The following NID2 variants were observed in gnomAD, a reference collection of about 807,000 sequenced individuals.
The protein encoded by NID2 is nidogen-2.
NID2 carries 83 observed loss-of-function variants against 145.4 expected under a neutral mutation model. The observed-to-expected ratio is 0.57, with a 90% confidence interval of 0.48 to 0.69. NID2 has a LOEUF of 0.69. Ranked by LOEUF, NID2 falls within the 30% of genes least tolerant of loss-of-function variation. NID2 has a pLI of 0.00. For missense variants in NID2, 1,807 were observed against 1,765.7 expected (o/e 1.02, Z -0.42); for synonymous variants, 739 against 701.3 (o/e 1.05, Z -0.85).
At chr14:52,039,758 C>T (rs1892208499) in intron 8 of NID2, among the ~76,000 whole-genome samples, 1 of 152,206 alleles carries the variant, frequency 6.6e-6, no homozygotes, top group Non-Finnish European at 1.5e-5. Context: ...TCACGCTTCG[C>T]ACACATTGAT....
chr14:52,005,426 C>G lies in NID2; in HGVS notation c.*60G>C. 2.0e-6 allele frequency: 3 copies of G among 1,474,150 alleles called. No individual in the cohort carries two copies. The highest frequency in any genetic ancestry group is 2.7e-6 in the Non-Finnish European group (3 of 1,103,998). 91.3% of individuals were successfully genotyped at this position (1,474,150 alleles called of 1,614,324 possible). ...TTTACTTTCTTTGCCTTTGCAGTCA[C>G]TGTTCTTTAGGGTCCAGGTTCTGAT... is the stretch of plus-strand genomic sequence containing the variant. On this transcript the variant is annotated 3_prime_UTR_variant, in exon 22 of 22. Transcript: ENST00000216286.
intron 3 of NID2, among the ~76,000 whole-genome samples, chr14:52,059,590 A>G (rs115620191): frequency 0.01 from 1,595 of 152,376 alleles, 26 homozygotes; most frequent in African/African-American, 0.037. Context: ...TTAAATGCCC[A>G]TTATGGGCAG....
chr14:52,042,747 T>G (rs1214204001), intron 6 of NID2, 35 bp downstream of exon 6: 1 of 1,608,132 alleles, frequency 6.2e-7, no homozygotes, highest in South Asian at 1.1e-5. Flanking sequence ...GCAGCAGGAA[T>G]AGACACACAG....
chr14:52,009,716 C>T, intron 18 of NID2: 1 of 152,354 alleles, frequency 6.6e-6, no homozygotes, highest in Non-Finnish European at 1.5e-5. Context: ...GAATAAGGGG[C>T]CGGGCGCAGT....
intron 18 of NID2, chr14:52,009,127 C>T (rs536654682): frequency 1.3e-5 from 2 of 152,248 alleles, no homozygotes; most frequent in East Asian, 1.9e-4. Context: ...ATAGGTTTCC[C>T]CTGTTGCGAA....
chr14:52,007,609 A>T, intron 19 of NID2: 1 of 575,860 alleles, frequency 1.7e-6, no homozygotes, highest in Non-Finnish European at 3.1e-6. Context: ...TTACTGCTTG[A>T]TATATCCTTC....
intron 5 of NID2, among the ~76,000 whole-genome samples, chr14:52,046,936 C>T (rs143679091): frequency 6.6e-6 from 1 of 152,350 alleles, no homozygotes; most frequent in African/African-American, 2.4e-5. Context: ...TATAATCCCT[C>T]TTCCACGCCT....
chr14:52,060,373 AAAAAAAGAG>A lies in NID2; in HGVS notation c.535-26_535-18del. 7.9e-7 allele frequency: 1 copy of A among 1,263,056 alleles called. No homozygotes were observed. Among genetic ancestry groups the A allele is most frequent in the Admixed American group, 2.8e-5 (1 of 35,988 alleles). The allele number at this position is 1,263,056 out of a possible 1,614,324, so 78.2% of individuals were successfully genotyped here. A position where few individuals can be genotyped will look rare whatever the true frequency, so the allele number is the denominator to read the frequency against. ...AGTGTTCAGCTGTGAGGAAAAAAAA[AAAAAAAGAG>A]AGAGAGAGAGAGAGAAACATCCTGT... On this transcript the variant is annotated intron_variant, in intron 2 of 21. Transcript: ENST00000216286.
chr14:52,005,653 C>T (rs1201295953), intron 21 of NID2, 84 bp downstream of exon 21: 1 of 1,372,872 alleles, frequency 7.3e-7, no homozygotes, highest in East Asian at 2.3e-5. Context: ...GGCAGTGTCA[C>T]AGGCAGCAGG....
At chr14:52,035,871 TA>T (rs1892048944) in intron 9 of NID2, among the ~76,000 whole-genome samples, 1 of 138,382 alleles carries the variant, frequency 7.2e-6, no homozygotes, top group South Asian at 2.3e-4. Flanking sequence ...TATATATATA[TA>T]TATATATGTT....
In NID2 at chr14:52,007,887, A is replaced by T; in HGVS notation, c.3803T>A (p.Leu1268Gln). 1 of 1,614,000 alleles carries T rather than the reference A, an allele frequency of 6.2e-7. No homozygotes were observed. Among genetic ancestry groups the T allele is most frequent in the Non-Finnish European group, 8.5e-7 (1 of 1,179,866 alleles). ...GGGCAATCCAATGTCTGTATTGATCAGAATTCTTCTGTTTTCTCCATCTAA... is the reference window on the plus strand; with the variant it reads ...GGGCAATCCAATGTCTGTATTGATCTGAATTCTTCTGTTTTCTCCATCTAA... ...SSLDGENRRI[L>Q]INTDIGLPNG... The change falls in exon 19 of 22, where the codon CTG (leucine) becomes CAG (glutamine). Residue 1268 changes from leucine to glutamine, a missense_variant. By Grantham distance (113) the Leu-to-Gln change is moderately radical. Coordinates refer to ENST00000216286, the MANE Select transcript of NID2 (RefSeq NM_007361.4).
chr14:52,064,303 A>G (rs1264376156), intron 2 of NID2, among the ~76,000 whole-genome samples: 1 of 152,224 alleles, frequency 6.6e-6, no homozygotes, highest in Non-Finnish European at 1.5e-5. Flanking sequence ...CACAAAGAAA[A>G]GGAATTTACT....
chr14:52,042,816 CT>C lies in NID2; in HGVS notation c.1544del (p.Lys515SerfsTer18), dbSNP rs772107693. On this transcript the variant is annotated frameshift_variant, in exon 6 of 22. Transcript: ENST00000216286. LOFTEE classifies it high-confidence loss of function. ...GACAGTGCTTCCCATTTCCATAAAA[CT>C]TGGATTGGCAGTGGCAGCAGAAGCC... ...ATGFCCHCQS[K>X]FYGNGKHCLP... 1 of 1,614,170 alleles carries C rather than the reference CT, an allele frequency of 6.2e-7. No homozygotes were observed. Among genetic ancestry groups the C allele is most frequent in the East Asian group, 2.2e-5 (1 of 44,888 alleles).
intron 21 of NID2, 23 bp downstream of exon 21, chr14:52,005,714 G>A (rs752372080): frequency 3.2e-6 from 5 of 1,561,614 alleles, no homozygotes; most frequent in Non-Finnish European, 4.4e-6. Context: ...ATTTAAAGGA[G>A]CATCCTAAAG....
At position 52,053,796 on chromosome 14, in the gene NID2, C is replaced by T. The variant is rs764624038; in HGVS notation, c.1212G>A (p.Leu404=). The T allele has an allele frequency of 1.2e-6, 2 of 1,614,176 alleles. No individual in the cohort carries two copies. Among genetic ancestry groups the T allele is most frequent in the South Asian group, 2.2e-5 (2 of 91,080 alleles). Residue 404 remains leucine (L), a synonymous_variant, in exon 5 of 22, where the codon CTG becomes CTA. Coordinates refer to ENST00000216286, the MANE Select transcript of NID2 (RefSeq NM_007361.4). ...GTGGTGGGGTTTCCCAGGAAGGAGC[C>T]AGTGAATCTCTGTCTACCTCTGGTG... ...PAPPEVDRDS[L]APSWETPPPY...
chr14:52,068,762 C>G lies in NID2; in HGVS notation c.228+5G>C. On this transcript the variant is annotated splice_donor_5th_base_variant and intron_variant, in intron 1 of 21. Coordinates refer to ENST00000216286, the MANE Select transcript of NID2 (RefSeq NM_007361.4). ...GGAAAAGTGCCAGGAGGGGGCTGAACTTACGTAGAGGTTGCTGAATCGGGC... is the reference window on the plus strand; with the variant it reads ...GGAAAAGTGCCAGGAGGGGGCTGAAGTTACGTAGAGGTTGCTGAATCGGGC... 1 of 1,598,712 alleles carries G rather than the reference C, an allele frequency of 6.3e-7. No individual in the cohort carries two copies. The highest frequency in any genetic ancestry group is 8.5e-7 in the Non-Finnish European group (1 of 1,176,636).
At chr14:52,011,896 G>C in intron 16 of NID2, 1 of 534,942 alleles carries the variant, frequency 1.9e-6, no homozygotes, top group South Asian at 2.3e-5. Context: ...ACCTCTATGC[G>C]TTTGTCTCAT....
chr14:52,035,053 T>G (rs886088609), intron 9 of NID2, among the ~76,000 whole-genome samples: 1 of 152,178 alleles, frequency 6.6e-6, no homozygotes. Context: ...AATGTGCAGT[T>G]TCCCCTATTA....
In NID2 at chr14:52,023,918, A is replaced by G. The variant is rs1348022746; in HGVS notation, c.2674+3283T>C. Among the ~76,000 whole-genome samples, 3 of 152,338 alleles carry G rather than the reference A, an allele frequency of 2.0e-5. No individual in the cohort carries two copies. In the South Asian group the frequency reaches 6.2e-4, roughly 32 times the overall value. On this transcript the variant is annotated intron_variant, in intron 12 of 21. Coordinates refer to ENST00000216286, the MANE Select transcript of NID2 (RefSeq NM_007361.4). The stretch of plus-strand genomic sequence containing the variant: ...CCCTTATTGTTAGTTTGATGGAGTA[A>G]AAGAGCATGTGCTTTAACAATGCAT...
Sources: gnomAD v4.1 joint callset for allele counts (sites outside exome capture counted in the v4.1 genomes callset) on GRCh38, gnomAD v4.1.1 for gene constraint, MANE v1.5 for transcripts, NCBI Gene and HGNC (gene_info 2026-07-23, HGNC 2026-07-21) for gene names.